The following CTNNA2 variants were observed in gnomAD, a reference collection of about 807,000 sequenced individuals.
CTNNA2 encodes the protein catenin alpha-2.
Under a neutral mutation model 101.0 loss-of-function variants are expected in CTNNA2, and 42 were observed. That is an observed-to-expected ratio of 0.42 (90% CI 0.32 to 0.54). The LOEUF is 0.54. Among genes scored for constraint, CTNNA2 ranks in the 20% least tolerant of loss-of-function variants. CTNNA2 has a pLI of 0.14. For synonymous variants in CTNNA2, 450 were observed against 456.4 expected, an observed-to-expected ratio of 0.99 and a Z score of 0.18; for missense variants, 871 against 1,223.1, an observed-to-expected ratio of 0.71 and a Z score of 4.29.
chr2:79,867,997 A>T (rs1682271566), intron 4 of CTNNA2, among the ~76,000 whole-genome samples: 1 of 152,206 alleles, frequency 6.6e-6, no homozygotes, highest in South Asian at 2.1e-4. Flanking sequence ...TAAAGATCTG[A>T]GGTACGAGAT....
At chr2:79,667,965 G>A (rs1458472953) in intron 2 of CTNNA2, among the ~76,000 whole-genome samples, 2 of 151,108 alleles carry the variant, frequency 1.3e-5, no homozygotes, top group African/African-American at 4.8e-5. Context: ...TTGAGGCCGG[G>A]CGCGGTGGCT....
intron 7 of CTNNA2, among the ~76,000 whole-genome samples, chr2:80,197,999 CTG>C (rs1706942771): frequency 6.6e-6 from 1 of 152,160 alleles, no homozygotes; most frequent in South Asian, 2.1e-4. Flanking sequence ...ACATTTATGA[CTG>C]TGGCAATAGT....
intron 7 of CTNNA2, among the ~76,000 whole-genome samples, chr2:80,232,341 GTTTGTTTTTTTTTTTTTTTTTTT>G (rs1419990279): frequency 2.1e-3 from 172 of 82,054 alleles, no homozygotes; most frequent in African/African-American, 5.2e-3. Flanking sequence ...TTGTTTGTTT[GTTTGTTTTTTTTTTTTTTTTTTT>G]TTTTTTTTTT....
chr2:79,575,081 A>G (rs1675704626), intron 1 of CTNNA2, among the ~76,000 whole-genome samples: 1 of 151,958 alleles, frequency 6.6e-6, no homozygotes, highest in East Asian at 1.9e-4. Flanking sequence ...TTGCTTGTTT[A>G]TTTCTTTAAG....
chr2:79,479,838 G>T (rs558756148), intron 4 of CTNNA2, among the ~76,000 whole-genome samples: 2 of 151,990 alleles, frequency 1.3e-5, no homozygotes, highest in Non-Finnish European at 2.9e-5. Flanking sequence ...CAGGAGAATC[G>T]CTTGAACCCA....
intron 1 of CTNNA2, among the ~76,000 whole-genome samples, chr2:79,520,135 TA>T (rs1672025889): frequency 6.6e-6 from 1 of 152,214 alleles, no homozygotes; most frequent in Non-Finnish European, 1.5e-5. Flanking sequence ...ATATGTTTTA[TA>T]CAATAAAGTG....
At chr2:79,360,423 T>A (rs1410736545) in intron 3 of CTNNA2, among the ~76,000 whole-genome samples, 1 of 152,098 alleles carries the variant, frequency 6.6e-6, no homozygotes, top group African/African-American at 2.4e-5. Flanking sequence ...TCTTCCTGGG[T>A]GAAAGTGTCA....
intron 8 of CTNNA2, among the ~76,000 whole-genome samples, chr2:80,403,268 A>G (rs943149536): frequency 2.0e-5 from 3 of 152,158 alleles, no homozygotes; most frequent in Non-Finnish European, 4.4e-5. Flanking sequence ...CAGAGCCTCT[A>G]TCTATGAAAA....
At chr2:79,692,627 A>C (rs1288865919) in intron 2 of CTNNA2, among the ~76,000 whole-genome samples, 1 of 152,108 alleles carries the variant, frequency 6.6e-6, no homozygotes, top group African/African-American at 2.4e-5. Flanking sequence ...ACCAACCCAA[A>C]TGCCCATCAT....
At chr2:79,415,027 T>G (rs1258792980) in intron 4 of CTNNA2, among the ~76,000 whole-genome samples, 1 of 152,168 alleles carries the variant, frequency 6.6e-6, no homozygotes, top group Non-Finnish European at 1.5e-5. Flanking sequence ...ATAACTTACT[T>G]TCAACCATCA....
At chr2:80,232,321 TTTTGTTTG>T (rs71386616) in intron 7 of CTNNA2, among the ~76,000 whole-genome samples, 2,611 of 110,166 alleles carry the variant, frequency 0.024, 59 homozygotes, top group Non-Finnish European at 0.029. Context: ...AGAATTTGGG[TTTTGTTTG>T]TTTGTTTGTT....
At chr2:80,271,140 A>T (rs1673434481) in intron 7 of CTNNA2, among the ~76,000 whole-genome samples, 1 of 152,224 alleles carries the variant, frequency 6.6e-6, no homozygotes, top group Non-Finnish European at 1.5e-5. Context: ...TGGTGCCAAG[A>T]CACAAATCTA....
intron 7 of CTNNA2, among the ~76,000 whole-genome samples, chr2:80,266,126 A>G (rs1053130005): frequency 3.9e-5 from 6 of 152,240 alleles, no homozygotes; most frequent in Non-Finnish European, 7.3e-5. Context: ...GGATTTGCCT[A>G]GATGAGGTTG....
At chr2:80,380,336 A>C (rs576161610) in intron 7 of CTNNA2, among the ~76,000 whole-genome samples, 133 of 152,136 alleles carry the variant, frequency 8.7e-4, no homozygotes, top group Non-Finnish European at 7.4e-4. Flanking sequence ...GCACCTGGCC[A>C]GAGATGTACT....
chr2:79,202,588 G>A (rs10496217), intron 2 of CTNNA2, among the ~76,000 whole-genome samples: 2 of 151,938 alleles, frequency 1.3e-5, no homozygotes, highest in African/African-American at 4.8e-5. Context: ...AGCTCCCTTG[G>A]TATCAACACA....
At chr2:79,700,337 C>T (rs1449331080) in intron 2 of CTNNA2, among the ~76,000 whole-genome samples, 2 of 152,132 alleles carry the variant, frequency 1.3e-5, no homozygotes, top group Non-Finnish European at 2.9e-5. Flanking sequence ...CATAGCATTT[C>T]TGATGCTGAT....
chr2:80,087,541 A>G (rs949407280), intron 7 of CTNNA2, among the ~76,000 whole-genome samples: 2 of 151,978 alleles, frequency 1.3e-5, no homozygotes, highest in African/African-American at 4.8e-5. Context: ...CTCTATTTCA[A>G]AGTAGCCTTC....
intron 7 of CTNNA2, among the ~76,000 whole-genome samples, chr2:80,254,673 T>A (rs1347920408): frequency 6.6e-6 from 1 of 152,218 alleles, no homozygotes; most frequent in East Asian, 1.9e-4. Flanking sequence ...TTAATTACTG[T>A]TAGCAAAATA....
chr2:79,223,919 T>A (rs549194944), intron 2 of CTNNA2, among the ~76,000 whole-genome samples: 11 of 152,342 alleles, frequency 7.2e-5, no homozygotes, highest in Admixed American at 5.9e-4. Flanking sequence ...ATTTAATTAA[T>A]ATTCCAAATG....
Sources: allele counts gnomAD v4.1 joint callset (sites outside exome capture counted in the v4.1 genomes callset), GRCh38; gene constraint gnomAD v4.1.1; transcripts MANE v1.5; gene names NCBI Gene and HGNC (gene_info 2026-07-23, HGNC 2026-07-21).